STXBP5L: variants seen among roughly 807,000 people sequenced by gnomAD.
The protein encoded by STXBP5L is syntaxin binding protein 5L.
In STXBP5L, 65 loss-of-function variants were observed where a neutral mutation model predicts 144.5. That is an observed-to-expected ratio of 0.45 (90% CI 0.37 to 0.55). The LOEUF is 0.55. STXBP5L is among the 20% of genes least tolerant of loss of function. The pLI, the probability that STXBP5L is intolerant of heterozygous loss-of-function variation, is 0.00. For missense variants in STXBP5L, 1,298 were observed against 1,405.5 expected, an observed-to-expected ratio of 0.92 and a Z score of 1.22; for synonymous variants, 505 against 469.6, an observed-to-expected ratio of 1.08 and a Z score of -0.97.
At chr3:121,054,476 A>G (rs926917519) in intron 5 of STXBP5L, among the ~76,000 whole-genome samples, 1 of 151,754 alleles carries the variant, frequency 6.6e-6, no homozygotes, top group African/African-American at 2.4e-5. Context: ...CATCTCAGCA[A>G]ACTATCACAA....
At chr3:121,174,946 A>G (rs528956470) in intron 9 of STXBP5L, among the ~76,000 whole-genome samples, 1 of 152,244 alleles carries the variant, frequency 6.6e-6, no homozygotes, top group East Asian at 1.9e-4. Flanking sequence ...AACAGGAAAA[A>G]AAACCCAGAC....
intron 3 of STXBP5L, among the ~76,000 whole-genome samples, chr3:120,992,252 G>T (rs1480465276): frequency 6.6e-6 from 1 of 152,032 alleles, no homozygotes; most frequent in Non-Finnish European, 1.5e-5. Flanking sequence ...AACTCAGAAT[G>T]TTTAGCATAT....
intron 5 of STXBP5L, among the ~76,000 whole-genome samples, chr3:121,056,133 G>A (rs1329009896): frequency 6.6e-6 from 1 of 152,098 alleles, no homozygotes; most frequent in Non-Finnish European, 1.5e-5. Flanking sequence ...CTTTCTGGTG[G>A]ATGATCCTTG....
chr3:121,297,202 A>ATGTGTGTGTGTGTGTGTGTGTGTG (rs71133526), intron 19 of STXBP5L, among the ~76,000 whole-genome samples: 39 of 148,338 alleles, frequency 2.6e-4, no homozygotes, highest in Non-Finnish European at 5.1e-4. Flanking sequence ...TCTACATTAT[A>ATGTGTGTGTGTGTGTGTGTGTGTG]TGTGTGTGTG....
chr3:121,332,892 A>T (rs1389263668), intron 20 of STXBP5L, among the ~76,000 whole-genome samples: 1 of 152,176 alleles, frequency 6.6e-6, no homozygotes, highest in African/African-American at 2.4e-5. Flanking sequence ...TAACCTATAC[A>T]GGAAAACCAG....
intron 20 of STXBP5L, among the ~76,000 whole-genome samples, chr3:121,362,287 G>A (rs985723226): frequency 3.9e-5 from 6 of 152,154 alleles, no homozygotes; most frequent in African/African-American, 1.4e-4. Context: ...ATTACTCCCT[G>A]GCTAATGCCT....
chr3:121,030,259 CA>C (rs1427941951), intron 3 of STXBP5L, among the ~76,000 whole-genome samples: 2 of 152,134 alleles, frequency 1.3e-5, no homozygotes, highest in African/African-American at 4.8e-5. Context: ...TTCACAATAG[CA>C]AAGACTCGGA....
chr3:121,160,281 G>A (rs563127591), intron 9 of STXBP5L, among the ~76,000 whole-genome samples: 6 of 151,894 alleles, frequency 4.0e-5, no homozygotes, highest in African/African-American at 1.4e-4. Context: ...TTTATTTTGG[G>A]GATCTATTAT....
intron 2 of STXBP5L, among the ~76,000 whole-genome samples, chr3:120,910,745 T>G (rs1708791759): frequency 6.6e-6 from 1 of 152,138 alleles, no homozygotes; most frequent in Non-Finnish European, 1.5e-5. Flanking sequence ...ATATGTATAA[T>G]GAGGTATATT....
At chr3:121,063,390 C>T (rs560473445) in intron 5 of STXBP5L, among the ~76,000 whole-genome samples, 17 of 152,268 alleles carry the variant, frequency 1.1e-4, no homozygotes, top group African/African-American at 3.4e-4. Flanking sequence ...AAGGGGCACC[C>T]GCCATATGTC....
chr3:121,172,943 G>C (rs779599541), intron 9 of STXBP5L, among the ~76,000 whole-genome samples: 1 of 152,106 alleles, frequency 6.6e-6, no homozygotes, highest in Non-Finnish European at 1.5e-5. Flanking sequence ...ATGTCCATCA[G>C]TGATAGACTG....
At chr3:121,032,210 G>A (rs140312116) in intron 3 of STXBP5L, among the ~76,000 whole-genome samples, 160 of 148,722 alleles carry the variant, frequency 1.1e-3, no homozygotes, top group Non-Finnish European at 2.0e-3. Flanking sequence ...ATAAGCAGTA[G>A]AGAAAAATAA....
chr3:121,066,468 A>G (rs889050948), intron 5 of STXBP5L, among the ~76,000 whole-genome samples: 2 of 151,816 alleles, frequency 1.3e-5, no homozygotes, highest in South Asian at 2.1e-4. Context: ...TGAGATGAGC[A>G]TGTAATTTTT....
At chr3:121,347,457 T>C (rs1369862252) in intron 20 of STXBP5L, among the ~76,000 whole-genome samples, 1 of 152,194 alleles carries the variant, frequency 6.6e-6, no homozygotes, top group Non-Finnish European at 1.5e-5. Flanking sequence ...TTTCATTCCA[T>C]ATGAACTTTA....
intron 5 of STXBP5L, among the ~76,000 whole-genome samples, chr3:121,110,420 T>C (rs1422402644): frequency 6.6e-6 from 1 of 152,210 alleles, no homozygotes; most frequent in Non-Finnish European, 1.5e-5. Context: ...AAGATGGGCC[T>C]GGTGGTGACA....
chr3:121,184,871 CA>C (rs1196005076), intron 9 of STXBP5L, among the ~76,000 whole-genome samples: 1 of 152,178 alleles, frequency 6.6e-6, no homozygotes, highest in Non-Finnish European at 1.5e-5. Context: ...GATCTCTCAG[CA>C]GAAACCCTAC....
Position 121,037,428 on chromosome 3 carries a change from T to C in STXBP5L, c.288-4272T>C, listed in dbSNP as rs988101601. ...GAACCCAGCTAATTTTATTATCTTT[T>C]AAAGTTTTGTAGAGATGAGATCTTG... On this transcript the variant is annotated intron_variant, in intron 3 of 26. Transcript: ENST00000471454. 3.9e-5 allele frequency among the ~76,000 whole-genome samples: 6 copies of C among 152,096 alleles called. No homozygotes were observed. The East Asian group carries it at 9.7e-4, about 25-fold the overall frequency.
chr3:121,296,838 C>G (rs973267215), intron 19 of STXBP5L, among the ~76,000 whole-genome samples: 5 of 152,158 alleles, frequency 3.3e-5, no homozygotes, highest in African/African-American at 1.2e-4. Context: ...TTGTCTGCCA[C>G]TAAACCCTCA....
At chr3:121,120,840 C>G (rs1020451271) in intron 6 of STXBP5L, among the ~76,000 whole-genome samples, 8 of 151,112 alleles carry the variant, frequency 5.3e-5, no homozygotes, top group African/African-American at 1.9e-4. Context: ...ACTGTTAGGT[C>G]GTGGAGAAAG....
Sources: gnomAD v4.1 joint callset for allele counts (sites outside exome capture counted in the v4.1 genomes callset) on GRCh38, gnomAD v4.1.1 for gene constraint, MANE v1.5 for transcripts, NCBI Gene and HGNC (gene_info 2026-07-23, HGNC 2026-07-21) for gene names.